Variants in CFAP410 observed in about 807,000 individuals in gnomAD.
The protein encoded by CFAP410 is cilia- and flagella-associated protein 410.
CFAP410 carries 27 observed loss-of-function variants against 25.7 expected under a neutral mutation model. The observed-to-expected ratio is 1.05, with a 90% CI of 0.77 to 1.45. The LOEUF (loss-of-function observed/expected upper bound fraction) is 1.45. Ranked by LOEUF, CFAP410 falls within the 40% of genes most tolerant of loss-of-function variation. The pLI is 0.00. For missense variants in CFAP410, 428 were observed against 354.1 expected (o/e 1.21, Z -1.67); for synonymous variants, 178 against 158.4 (o/e 1.12, Z -0.93).
At chr21:44,330,428 T>G (rs1193059337) in intron 6 of CFAP410, 102 bp from the exon 7 acceptor site, 1 of 1,552,160 alleles carries the variant, frequency 6.4e-7, no homozygotes, top group Non-Finnish European at 8.7e-7. Context: ...ACGGAGCGAC[T>G]GGTCCCGGGG....
Position 44,330,146 on chromosome 21 carries a change from G to C in CFAP410, c.*52C>G. On this transcript the variant is annotated 3_prime_UTR_variant, in exon 7 of 7. Transcript: ENST00000339818. ...GCCACCCTCCAGCTCCCGGGGGCTG[G>C]GGAAGACGCTGGGGTCCCCGTGGAG... The C allele has an allele frequency of 2.0e-6, 3 of 1,531,858 alleles. No homozygotes were observed. The highest frequency in any genetic ancestry group is 2.6e-6 in the Non-Finnish European group (3 of 1,143,466). 94.9% of individuals were successfully genotyped at this position (1,531,858 alleles called of 1,614,324 possible). A position where few individuals can be genotyped will look rare whatever the true frequency, so the allele number is the denominator to read the frequency against.
chr21:44,330,727 G>A lies in CFAP410; in HGVS notation c.642+96C>T, dbSNP rs749951234. 2.6e-5 allele frequency: 41 copies of A among 1,549,144 alleles called. No individual in the cohort carries two copies. The African/African-American group carries it at 2.9e-4, about 11-fold the overall frequency. Reference sequence around the variant, plus strand: ...GTGAGGCTCCATGCTCCCTCCCCACGGGGCCCTGTGAGGCTCCATGCTCCC... The same window carrying A: ...GTGAGGCTCCATGCTCCCTCCCCACAGGGCCCTGTGAGGCTCCATGCTCCC... On this transcript the variant is annotated intron_variant, in intron 6 of 6. Coordinates refer to ENST00000339818, the MANE Select transcript of CFAP410 (RefSeq NM_004928.3).
chr21:44,333,454 C>T, intron 3 of CFAP410, 192 bp from the exon 4 acceptor site: 2 of 603,278 alleles, frequency 3.3e-6, no homozygotes, highest in Middle Eastern at 4.4e-4. Flanking sequence ...AGGCCAGGCC[C>T]TGAACTCAAA....
intron 6 of CFAP410, 151 bp downstream of exon 6, chr21:44,330,672 T>TC (rs764223367): frequency 6.7e-5 from 103 of 1,548,134 alleles, no homozygotes; most frequent in Non-Finnish European, 8.4e-5. Context: ...CACACGCAGC[T>TC]CCCCCTGGGG....
At chr21:44,331,182 G>A (rs2047641331) in intron 5 of CFAP410, 1 of 547,636 alleles carries the variant, frequency 1.8e-6, no homozygotes, top group African/African-American at 1.9e-5. Flanking sequence ...TTCCACCCAG[G>A]GCTTCAGGGG....
At chr21:44,334,725 G>A in intron 3 of CFAP410, 1 of 235,818 alleles carries the variant, frequency 4.2e-6, no homozygotes, top group Non-Finnish European at 8.5e-6. Flanking sequence ...TTTGACCCAT[G>A]AGCATGCCTC....
chr21:44,333,243 G>C lies in CFAP410; in HGVS notation c.163C>G (p.Leu55Val). The change falls in exon 4 of 7, where the codon CTG becomes GTG. Residue 55 changes from leucine to valine, a missense_variant. Leu to Val is a conservative substitution (Grantham distance 32). Transcript: ENST00000339818. ...ITLSVNSIST[L>V]EPVSRCQRLS... The stretch of plus-strand genomic sequence containing the variant: ...CGCTGGCACCGGCTCACAGGCTCCA[G>C]GGTGGAGATGCTGTTGACACTGCAC... 1 of 1,611,984 alleles carries C rather than the reference G, an allele frequency of 6.2e-7. No homozygotes were observed. Among genetic ancestry groups the C allele is most frequent in the Non-Finnish European group, 8.5e-7 (1 of 1,179,580 alleles).
rs144423451 is a variant in CFAP410, at chr21:44,339,381, C to G, written c.-187G>C. 3,416 of 419,594 alleles carry G rather than the reference C, an allele frequency of 8.1e-3. 117 individuals are homozygous for G. Among genetic ancestry groups the G allele is most frequent in the African/African-American group, 0.064 (3,064 of 48,162 alleles). 26.0% of individuals were successfully genotyped at this position (419,594 alleles called of 1,614,324 possible). A position where few individuals can be genotyped will look rare whatever the true frequency, so the allele number is the denominator to read the frequency against. ...TGGGGCCGCTTGGGCGCCGCTGACACGTTGGCTCTGCTCCTGCTCATGCGC... is the reference window on the plus strand; with the variant it reads ...TGGGGCCGCTTGGGCGCCGCTGACAGGTTGGCTCTGCTCCTGCTCATGCGC... On this transcript the variant is annotated 5_prime_UTR_variant, in exon 1 of 7. Coordinates refer to ENST00000339818, the MANE Select transcript of CFAP410 (RefSeq NM_004928.3).
At chr21:44,335,869 A>G in intron 2 of CFAP410, 65 bp from the exon 3 acceptor site, 1 of 1,258,876 alleles carries the variant, frequency 7.9e-7, no homozygotes, top group Non-Finnish European at 1.1e-6. Context: ...CACTGCCATC[A>G]GCCACAGAGA....
At chr21:44,338,472 G>C (rs1294816574) in intron 1 of CFAP410, 2 of 401,220 alleles carry the variant, frequency 5.0e-6, no homozygotes, top group Non-Finnish European at 9.9e-6. Context: ...CCGCACCCAC[G>C]TCCCTTCCTG....
intron 1 of CFAP410, chr21:44,338,258 G>T: frequency 7.8e-7 from 1 of 1,281,946 alleles, no homozygotes; most frequent in Non-Finnish European, 1.0e-6. Flanking sequence ...GGACACCCCT[G>T]GGAGGAAGCG....
At chr21:44,333,845 C>T in intron 3 of CFAP410, 4 of 352,182 alleles carry the variant, frequency 1.1e-5, no homozygotes, top group Middle Eastern at 1.0e-3. Flanking sequence ...CCTCCACAAG[C>T]GAACACGCGG....
At chr21:44,331,599 C>T in intron 5 of CFAP410, 1 of 520,512 alleles carries the variant, frequency 1.9e-6, no homozygotes, top group East Asian at 3.5e-5. Flanking sequence ...CGGGGCCTGG[C>T]TCACCCCCTC....
At chr21:44,334,352 CCCAAGCTTCCTG>C (rs2146074042) in intron 3 of CFAP410, 1 of 437,318 alleles carries the variant, frequency 2.3e-6, no homozygotes, top group East Asian at 7.1e-5. Flanking sequence ...ACAGCCCCGC[CCCAAGCTTCCTG>C]CCACCGTGGG....
At position 44,330,927 on chromosome 21, in the gene CFAP410, G is replaced by A. The variant is rs374859132; in HGVS notation, c.546-8C>T. 9 of 1,578,574 alleles carry A rather than the reference G, an allele frequency of 5.7e-6. No individual in the cohort carries two copies. In the African/African-American group the frequency reaches 1.2e-4, roughly 21 times the overall value. On this transcript the variant is annotated splice_region_variant and splice_polypyrimidine_tract_variant and intron_variant, in intron 5 of 6. Coordinates refer to ENST00000339818, the MANE Select transcript of CFAP410 (RefSeq NM_004928.3). The stretch of plus-strand genomic sequence containing the variant: ...TCATCCTGGGCGCCGCTGCTGAGAG[G>A]GAGACAAAGGCGTGTGAGGGTCAGG...
At chr21:44,330,508 C>G (rs113983126) in intron 6 of CFAP410, 182 bp from the exon 7 acceptor site, 2 of 1,546,182 alleles carry the variant, frequency 1.3e-6, no homozygotes, top group South Asian at 1.2e-5. Context: ...CCTGTGGACG[C>G]GTGTGTGGCA....
At chr21:44,335,559 T>C in intron 3 of CFAP410, 199 bp downstream of exon 3, 1 of 601,274 alleles carries the variant, frequency 1.7e-6, no homozygotes, top group Non-Finnish European at 3.0e-6. Context: ...GGTGAGGCTC[T>C]GAGGAAGGAG....
intron 6 of CFAP410, 37 bp downstream of exon 6, chr21:44,330,786 C>T (rs1235571940): frequency 4.5e-6 from 7 of 1,558,334 alleles, no homozygotes; most frequent in Non-Finnish European, 6.1e-6. Flanking sequence ...GTGCAGTGGG[C>T]AGAGGCAGCC....
chr21:44,338,217 A>C, intron 1 of CFAP410: 1 of 1,179,996 alleles, frequency 8.5e-7, no homozygotes, highest in Non-Finnish European at 1.1e-6. Flanking sequence ...CTTTTTAATT[A>C]ACAGGGAAGA....
Sources: gnomAD v4.1 joint callset for allele counts on GRCh38, gnomAD v4.1.1 for gene constraint, MANE v1.5 for transcripts, NCBI Gene and HGNC (gene_info 2026-07-23, HGNC 2026-07-21) for gene names.